Variants in GIGYF2 observed in about 807,000 individuals in gnomAD.
The protein encoded by GIGYF2 is GRB10-interacting GYF protein 2.
A neutral mutation model predicts 208.1 loss-of-function variants in GIGYF2; 25 were observed. The observed-to-expected ratio is 0.12, with a 90% confidence interval of 0.09 to 0.17. The LOEUF (loss-of-function observed/expected upper bound fraction) is 0.17. Ranked by LOEUF, GIGYF2 falls within the 10% of genes least tolerant of loss-of-function variation. The probability of loss-of-function intolerance (pLI) is 1.00; values close to 1 mark genes in which losing one functional copy is unlikely to be tolerated. For missense variants in GIGYF2, 1,302 were observed against 1,579.4 expected, an observed-to-expected ratio of 0.82 and a Z score of 2.98; for synonymous variants, 534 against 543.8, an observed-to-expected ratio of 0.98 and a Z score of 0.25.
intron 12 of GIGYF2, among the ~76,000 whole-genome samples, chr2:232,792,612 C>T (rs1369088349): frequency 6.6e-6 from 1 of 152,112 alleles, no homozygotes; most frequent in Non-Finnish European, 1.5e-5. Context: ...TGAGACAGGG[C>T]CTCACTATGT....
intron 8 of GIGYF2, among the ~76,000 whole-genome samples, chr2:232,785,372 T>A (rs972960543): frequency 6.6e-6 from 1 of 152,176 alleles, no homozygotes; most frequent in Non-Finnish European, 1.5e-5. Flanking sequence ...CAGCCCATGC[T>A]GCAGTCTCTC....
Position 232,790,764 on chromosome 2 carries a change from G to A in GIGYF2, c.779G>A (p.Arg260Gln). 3.1e-6 allele frequency: 5 copies of A among 1,614,112 alleles called. No homozygotes were observed. The highest frequency in any genetic ancestry group is 2.2e-5 in the South Asian group (2 of 91,076). ...CGTCGGAGGTTTGAGTTTGATTTTC[G>A]AGATAGAGATGATGAACGGGGTTAC... ...ERRRRFEFDF[R>Q]DRDDERGYRR... is the part of the protein sequence containing the mutation. The change falls in exon 10 of 29, where the codon CGA (arginine) becomes CAA (glutamine). Residue 260 changes from arginine (R) to glutamine (Q), a missense_variant. Coordinates refer to ENST00000373563, the MANE Select transcript of GIGYF2 (RefSeq NM_001103146.3).
chr2:232,741,146 T>G (rs1196744341), intron 3 of GIGYF2, among the ~76,000 whole-genome samples: 20 of 152,242 alleles, frequency 1.3e-4, no homozygotes, highest in Admixed American at 1.3e-3. Flanking sequence ...CATCTCATAC[T>G]CTATACTTTT....
chr2:232,794,445 A>T (rs1700162597), intron 12 of GIGYF2, among the ~76,000 whole-genome samples: 2 of 152,210 alleles, frequency 1.3e-5, no homozygotes, highest in African/African-American at 4.8e-5. Flanking sequence ...TGAAGAAAGG[A>T]TTAGACTGAT....
chr2:232,818,969 G>C (rs1700994381), intron 20 of GIGYF2, among the ~76,000 whole-genome samples: 1 of 151,384 alleles, frequency 6.6e-6, no homozygotes, highest in Admixed American at 6.6e-5. Flanking sequence ...ATATTTTTTG[G>C]TCTTTTTTTT....
At chr2:232,715,984 A>C (rs1310988514) in intron 2 of GIGYF2, among the ~76,000 whole-genome samples, 2 of 152,188 alleles carry the variant, frequency 1.3e-5, no homozygotes, top group Non-Finnish European at 2.9e-5. Flanking sequence ...GTAATTAAAG[A>C]ATATTGCAAG....
chr2:232,755,479 C>G (rs1698500037), intron 5 of GIGYF2, among the ~76,000 whole-genome samples: 1 of 152,132 alleles, frequency 6.6e-6, no homozygotes, highest in Non-Finnish European at 1.5e-5. Context: ...TTTACCTTGA[C>G]TCTTAAGCCT....
intron 5 of GIGYF2, among the ~76,000 whole-genome samples, chr2:232,753,931 C>T (rs1049218433): frequency 2.0e-5 from 3 of 152,098 alleles, no homozygotes; most frequent in African/African-American, 4.8e-5. Flanking sequence ...TTTGGGAGGC[C>T]GAGGCGGGCA....
chr2:232,760,507 A>G lies in GIGYF2; in HGVS notation c.407A>G (p.Tyr136Cys). Residue 136 changes from tyrosine (Y) to cysteine (C), a missense_variant, in exon 7 of 29, where the codon TAC becomes TGC. Transcript: ENST00000373563. The part of the protein sequence containing the change: ...RGRGRGECGF[Y>C]QRSFDEVEGV... ...AGAGGCAGAGGTGAATGTGGTTTCT[A>G]CCAAAGAAGTTTTGATGAAGTAGAG... 6.2e-7 allele frequency: 1 copy of G among 1,613,480 alleles called. No individual in the cohort carries two copies. The highest frequency in any genetic ancestry group is 8.5e-7 in the Non-Finnish European group (1 of 1,179,606).
chr2:232,734,823 TC>T (rs1697665018), intron 2 of GIGYF2, among the ~76,000 whole-genome samples: 1 of 152,090 alleles, frequency 6.6e-6, no homozygotes, highest in African/African-American at 2.4e-5. Flanking sequence ...TTTCATTCAC[TC>T]CCCATTGTTC....
At chr2:232,849,283 GAC>G (rs1690207639) in intron 27 of GIGYF2, among the ~76,000 whole-genome samples, 1 of 152,042 alleles carries the variant, frequency 6.6e-6, no homozygotes, top group Non-Finnish European at 1.5e-5. Context: ...TCCTTCCTCA[GAC>G]TCCCGAGTAG....
chr2:232,784,391 T>TTTTG, intron 8 of GIGYF2, among the ~76,000 whole-genome samples: 1 of 120,208 alleles, frequency 8.3e-6, no homozygotes, highest in East Asian at 2.4e-4. Context: ...AATTTCTTTT[T>TTTTG]TTTTTTTTTT....
chr2:232,795,076 T>C (rs1700183455), intron 13 of GIGYF2, 132 bp downstream of exon 13: 1 of 743,796 alleles, frequency 1.3e-6, no homozygotes, highest in Non-Finnish European at 2.4e-6. Flanking sequence ...ATTTAGTGTT[T>C]ATTTGTACAA....
At chr2:232,841,947 C>T (rs976830394) in intron 23 of GIGYF2, among the ~76,000 whole-genome samples, 1 of 152,022 alleles carries the variant, frequency 6.6e-6, no homozygotes. Flanking sequence ...TGCTGTGTCT[C>T]CTGGGCTGGA....
At chr2:232,718,610 A>G (rs1454989005) in intron 2 of GIGYF2, among the ~76,000 whole-genome samples, 1 of 152,220 alleles carries the variant, frequency 6.6e-6, no homozygotes, top group East Asian at 1.9e-4. Flanking sequence ...TTATGGGATC[A>G]CAGGGTAGGC....
chr2:232,758,329 G>A (rs1698622987), intron 6 of GIGYF2, among the ~76,000 whole-genome samples: 1 of 152,130 alleles, frequency 6.6e-6, no homozygotes, highest in Admixed American at 6.6e-5. Context: ...AAACTAAATA[G>A]GTGGTAAGAA....
chr2:232,734,189 G>T (rs1405560105), intron 2 of GIGYF2, among the ~76,000 whole-genome samples: 2 of 143,386 alleles, frequency 1.4e-5, no homozygotes, highest in Admixed American at 1.4e-4. Context: ...GGCCCAAGCC[G>T]TCTGCCTGGC....
At chr2:232,710,089 A>G (rs1008350222) in intron 2 of GIGYF2, among the ~76,000 whole-genome samples, 1 of 151,822 alleles carries the variant, frequency 6.6e-6, no homozygotes, top group Admixed American at 6.6e-5. Flanking sequence ...CCTCCAGAGT[A>G]GCTGGGACTA....
intron 5 of GIGYF2, among the ~76,000 whole-genome samples, chr2:232,755,326 G>A (rs1442352628): frequency 6.6e-6 from 1 of 151,922 alleles, no homozygotes; most frequent in African/African-American, 2.4e-5. Context: ...GCCTGCCACC[G>A]CGCCCGGCTA....
Sources: gnomAD v4.1 joint callset for allele counts (sites outside exome capture counted in the v4.1 genomes callset) on GRCh38, gnomAD v4.1.1 for gene constraint, MANE v1.5 for transcripts, NCBI Gene and HGNC (gene_info 2026-07-23, HGNC 2026-07-21) for gene names.